Variants in LDB3 observed in about 807,000 individuals in gnomAD.
The protein encoded by LDB3 is LIM domain binding 3, also known as LIM domain-binding protein 3.
Under a neutral mutation model 69.0 loss-of-function variants are expected in LDB3, and 49 were observed. That is an observed-to-expected ratio of 0.71 (90% CI 0.56 to 0.90). The LOEUF (loss-of-function observed/expected upper bound fraction) is 0.90, where lower values mean the gene tolerates loss of function less well. Ranked by LOEUF, LDB3 falls within the 40% of genes least tolerant of loss-of-function variation. LDB3 has a pLI of 0.00. For missense variants in LDB3, 928 were observed against 974.1 expected, an observed-to-expected ratio of 0.95 and a Z score of 0.63; for synonymous variants, 387 against 396.2, an observed-to-expected ratio of 0.98 and a Z score of 0.28.
intron 2 of LDB3, among the ~76,000 whole-genome samples, chr10:86,676,756 A>G (rs1021228788): frequency 2.0e-5 from 3 of 152,228 alleles, no homozygotes; most frequent in African/African-American, 7.2e-5. Context: ...CTGCATCTGC[A>G]GAGCCCATCT....
Position 86,718,850 on chromosome 10 carries a change from A to G in LDB3, c.1978+3A>G. ...CGGGGAGCCCTACTGCGAGAAAGGT[A>G]GGAACACTTCGATGGCATGTGGGGA... On this transcript the variant is annotated splice_donor_region_variant and intron_variant, in intron 12 of 13. Coordinates refer to ENST00000361373, the MANE Select transcript of LDB3 (RefSeq NM_007078.3). 1 of 1,614,062 alleles carries G rather than the reference A, an allele frequency of 6.2e-7. No individual in the cohort carries two copies. Among genetic ancestry groups the G allele is most frequent in the Non-Finnish European group, 8.5e-7 (1 of 1,179,992 alleles).
In LDB3 at chr10:86,699,239, TTCTCTCTCTCTCTCTCTCTC is replaced by T; in HGVS notation, c.896+6678_896+6697del. 6.4e-7 allele frequency: 1 copy of T among 1,562,058 alleles called. No individual in the cohort carries two copies. Among genetic ancestry groups the T allele is most frequent in the East Asian group, 2.3e-5 (1 of 44,002 alleles). On this transcript the variant is annotated intron_variant, in intron 7 of 13. Transcript: ENST00000361373. This position sits in a 1 kb window ranked among gnomAD's most constrained non-coding sequence, Gnocchi z 4.9. ...TCTCTCTTTCTGTCTCTGTCTCTGT[TTCTCTCTCTCTCTCTCTCTC>T]TCTCTCTCTGTGCCACAGGGAAAGG... is the stretch of plus-strand genomic sequence containing the variant.
intron 10 of LDB3, 47 bp downstream of exon 10, chr10:86,716,818 G>T (rs1292867493): frequency 1.3e-6 from 2 of 1,552,216 alleles, no homozygotes; most frequent in East Asian, 4.8e-5. Flanking sequence ...AAGGGCGTGT[G>T]TGTGGGGTGC....
chr10:86,731,096 A>G (rs1847438914), intron 13 of LDB3, among the ~76,000 whole-genome samples: 1 of 150,236 alleles, frequency 6.7e-6, no homozygotes, highest in South Asian at 2.1e-4. Context: ...CAGAGGTTGC[A>G]GTGAGCTGAG....
At chr10:86,709,466 G>A (rs900943754) in intron 8 of LDB3, among the ~76,000 whole-genome samples, 1 of 152,180 alleles carries the variant, frequency 6.6e-6, no homozygotes. Flanking sequence ...CCAGAAACCT[G>A]AGACTTTGCT....
At chr10:86,706,389 T>C in intron 7 of LDB3, 142 bp from the exon 8 acceptor site, 1 of 901,502 alleles carries the variant, frequency 1.1e-6, no homozygotes, top group Admixed American at 1.7e-5. Flanking sequence ...ACACACCCTC[T>C]GAGGATCCTA....
chr10:86,670,085 G>C (rs950414397), intron 2 of LDB3, among the ~76,000 whole-genome samples: 1 of 152,158 alleles, frequency 6.6e-6, no homozygotes, highest in Admixed American at 6.5e-5. Flanking sequence ...CCCCACCCAG[G>C]GATGCCGTGA....
At chr10:86,672,862 A>G (rs1165662831) in intron 2 of LDB3, among the ~76,000 whole-genome samples, 1 of 152,268 alleles carries the variant, frequency 6.6e-6, no homozygotes, top group Non-Finnish European at 1.5e-5. Context: ...AAGCAGCCCC[A>G]GGGCTCCGGG....
chr10:86,728,826 C>G (rs896015333), intron 13 of LDB3, among the ~76,000 whole-genome samples: 9 of 152,022 alleles, frequency 5.9e-5, no homozygotes, highest in African/African-American at 2.2e-4. Flanking sequence ...ATGAGCCACC[C>G]ACCTCGGCCT....
At position 86,726,262 on chromosome 10, in the gene LDB3, T is replaced by C. The variant is rs769802374; in HGVS notation, c.2094+10T>C. 2.5e-6 allele frequency: 4 copies of C among 1,609,348 alleles called. No individual in the cohort carries two copies. Among genetic ancestry groups the C allele is most frequent in the African/African-American group, 1.3e-5 (1 of 74,818 alleles). On this transcript the variant is annotated intron_variant, in intron 13 of 13. Transcript: ENST00000361373. Reference sequence around the variant, plus strand: ...CTGCTTCATTTGCGCAGTATGTCTCTAGCTTGGGGCTCTGGCTTTCTGAGA... The same window carrying C: ...CTGCTTCATTTGCGCAGTATGTCTCCAGCTTGGGGCTCTGGCTTTCTGAGA...
intron 2 of LDB3, among the ~76,000 whole-genome samples, chr10:86,678,640 T>C (rs1341558484): frequency 5.4e-5 from 8 of 148,802 alleles, no homozygotes; most frequent in Non-Finnish European, 1.2e-4. Flanking sequence ...GCCCAGCAGA[T>C]GCCTGCAAAT....
At chr10:86,672,321 G>T (rs1259899271) in intron 2 of LDB3, among the ~76,000 whole-genome samples, 1 of 152,148 alleles carries the variant, frequency 6.6e-6, no homozygotes. Context: ...CCGCCTGCAG[G>T]CTCACCTGGA....
chr10:86,696,430 G>A (rs552805355), intron 7 of LDB3, among the ~76,000 whole-genome samples: 12 of 152,216 alleles, frequency 7.9e-5, no homozygotes, highest in Non-Finnish European at 1.5e-4. Flanking sequence ...CAGCCCCTGG[G>A]AGGTCGTCTT....
chr10:86,710,936 G>A (rs190026058), intron 9 of LDB3, among the ~76,000 whole-genome samples: 1 of 152,368 alleles, frequency 6.6e-6, no homozygotes, highest in African/African-American at 2.4e-5. Flanking sequence ...GGGATGGAAT[G>A]AAGCACCCAG....
At chr10:86,695,084 C>G (rs567433324) in intron 7 of LDB3, among the ~76,000 whole-genome samples, 2 of 152,342 alleles carry the variant, frequency 1.3e-5, no homozygotes, top group South Asian at 2.1e-4. Flanking sequence ...GTTTGCCAAT[C>G]CTGTGCATGG....
rs368692271 is a variant in LDB3, at chr10:86,686,785, C to T, written c.689+4982C>T. On this transcript the variant is annotated intron_variant, in intron 5 of 13. Transcript: ENST00000361373. ...TCACACCACTGCACTCCACCATGGG[C>T]GACAAAGCGAGACCCTGTATCAAAA... Among the ~76,000 whole-genome samples the T allele has an allele frequency of 6.0e-4, 84 of 140,392 alleles. 2 individuals carry two copies. Among genetic ancestry groups the T allele is most frequent in the South Asian group, 2.3e-4 (1 of 4,406 alleles). 92.1% of individuals were successfully genotyped at this position (140,392 alleles called of 152,430 possible). A position where few individuals can be genotyped will look rare whatever the true frequency, so the allele number is the denominator to read the frequency against.
At chr10:86,732,136 C>T (rs113160120) in intron 13 of LDB3, among the ~76,000 whole-genome samples, 10 of 151,414 alleles carry the variant, frequency 6.6e-5, no homozygotes, top group African/African-American at 1.2e-4. Context: ...TCAGCTACTG[C>T]GCCTGGAGTC....
chr10:86,706,178 G>A (rs1846433400), intron 7 of LDB3, among the ~76,000 whole-genome samples: 1 of 149,246 alleles, frequency 6.7e-6, no homozygotes, highest in African/African-American at 2.5e-5. Context: ...GATCAGGGAG[G>A]AACCTGGGTG....
rs77304928 is a variant in LDB3 at position 86,706,521 on chromosome 10, G to A, written c.897-10G>A. ...CTTGACCTGTTGTCTTTTTGGTCCC[G>A]CCTCATCAGCACCCCTATTGAGCAT... On this transcript the variant is annotated splice_polypyrimidine_tract_variant and intron_variant, in intron 7 of 13. Coordinates refer to ENST00000361373, the MANE Select transcript of LDB3 (RefSeq NM_007078.3). 42 of 1,611,532 alleles carry A rather than the reference G, an allele frequency of 2.6e-5. No homozygotes were observed. Among genetic ancestry groups the A allele is most frequent in the East Asian group, 1.8e-4 (8 of 44,858 alleles).
Sources: allele counts gnomAD v4.1 joint callset (sites outside exome capture counted in the v4.1 genomes callset), GRCh38; gene constraint gnomAD v4.1.1; non-coding constraint Gnocchi (gnomAD v3.1); transcripts MANE v1.5; gene names NCBI Gene and HGNC (gene_info 2026-07-23, HGNC 2026-07-21).